The following FBXL17 variants were observed in gnomAD, a reference collection of about 807,000 sequenced individuals.
FBXL17 encodes the protein F-box and leucine rich repeat protein 17.
A neutral mutation model predicts 66.2 loss-of-function variants in FBXL17; 22 were observed. That is an observed-to-expected ratio of 0.33 (90% CI 0.24 to 0.47). The LOEUF is 0.47. Among genes scored for constraint, FBXL17 ranks in the 20% least tolerant of loss-of-function variants. The pLI is 1.00. For synonymous variants in FBXL17, 474 were observed against 400.5 expected (o/e 1.18, Z -2.19); for missense variants, 878 against 948.2 (o/e 0.93, Z 0.97).
At chr5:108,216,815 A>G (rs1369533074) in intron 5 of FBXL17, among the ~76,000 whole-genome samples, 2 of 152,164 alleles carry the variant, frequency 1.3e-5, no homozygotes, top group Non-Finnish European at 2.9e-5. Flanking sequence ...TGTTATACCT[A>G]GAGACATGCC....
chr5:108,260,228 G>A (rs940560388), intron 4 of FBXL17, among the ~76,000 whole-genome samples: 1 of 151,964 alleles, frequency 6.6e-6, no homozygotes, highest in African/African-American at 2.4e-5. Flanking sequence ...TAGTAATATG[G>A]GGCAGCTTAA....
chr5:107,893,715 G>T (rs1316173027), intron 7 of FBXL17, among the ~76,000 whole-genome samples: 6 of 152,272 alleles, frequency 3.9e-5, no homozygotes, highest in Non-Finnish European at 4.4e-5. Context: ...AATCACTGAT[G>T]AAGGACTACA....
At chr5:108,092,116 A>C (rs1309877948) in intron 6 of FBXL17, among the ~76,000 whole-genome samples, 1 of 152,198 alleles carries the variant, frequency 6.6e-6, no homozygotes, top group Non-Finnish European at 1.5e-5. Flanking sequence ...GCACCACCAA[A>C]AATTAACTAG....
intron 4 of FBXL17, among the ~76,000 whole-genome samples, chr5:108,339,646 C>T (rs1011155538): frequency 1.3e-5 from 2 of 149,480 alleles, no homozygotes; most frequent in African/African-American, 4.9e-5. Flanking sequence ...CAAGGAATTA[C>T]ACTAAAAATA....
At chr5:108,098,130 T>C (rs976937886) in intron 6 of FBXL17, among the ~76,000 whole-genome samples, 1 of 152,132 alleles carries the variant, frequency 6.6e-6, no homozygotes, top group Non-Finnish European at 1.5e-5. Context: ...CAGTAAAACT[T>C]CAATAAATAT....
intron 6 of FBXL17, among the ~76,000 whole-genome samples, chr5:108,117,925 A>G (rs994564254): frequency 6.6e-6 from 1 of 152,164 alleles, no homozygotes; most frequent in East Asian, 1.9e-4. Flanking sequence ...TAGCTGAGAA[A>G]AAACTCCTTC....
chr5:108,051,194 C>A (rs899060251), intron 6 of FBXL17, among the ~76,000 whole-genome samples: 5 of 152,180 alleles, frequency 3.3e-5, no homozygotes, highest in African/African-American at 1.2e-4. Flanking sequence ...TGAAACTATT[C>A]CAAACAATTG....
intron 4 of FBXL17, among the ~76,000 whole-genome samples, chr5:108,257,797 C>T (rs1014371619): frequency 6.6e-6 from 1 of 152,118 alleles, no homozygotes; most frequent in Non-Finnish European, 1.5e-5. Flanking sequence ...AAATTGTTCA[C>T]ATACATATTG....
chr5:108,188,454 G>A (rs184422213), intron 5 of FBXL17, among the ~76,000 whole-genome samples: 2 of 152,150 alleles, frequency 1.3e-5, no homozygotes, highest in African/African-American at 4.8e-5. Context: ...AGGAAGTCAC[G>A]TCCAGTCTAG....
intron 4 of FBXL17, among the ~76,000 whole-genome samples, chr5:108,255,731 T>C (rs1756548843): frequency 6.6e-6 from 1 of 152,120 alleles, no homozygotes; most frequent in South Asian, 2.1e-4. Flanking sequence ...ATATATAGCC[T>C]TTCAGTAGTT....
At chr5:107,965,138 C>T (rs1580258156) in intron 7 of FBXL17, among the ~76,000 whole-genome samples, 2 of 152,196 alleles carry the variant, frequency 1.3e-5, no homozygotes, top group African/African-American at 4.8e-5. Flanking sequence ...ATACTAAAGT[C>T]AGCTGAAACA....
At chr5:108,329,751 G>T (rs563752415) in intron 4 of FBXL17, among the ~76,000 whole-genome samples, 2 of 152,150 alleles carry the variant, frequency 1.3e-5, no homozygotes, top group Admixed American at 1.3e-4. Flanking sequence ...TAACTTAGAA[G>T]TTATCATTAG....
chr5:108,107,784 C>T (rs1479866604), intron 6 of FBXL17, among the ~76,000 whole-genome samples: 1 of 146,668 alleles, frequency 6.8e-6, no homozygotes, highest in African/African-American at 2.5e-5. Context: ...TGCACTCCGG[C>T]CTGGGCAACA....
At chr5:108,121,567 T>C (rs1465953357) in intron 6 of FBXL17, among the ~76,000 whole-genome samples, 1 of 152,132 alleles carries the variant, frequency 6.6e-6, no homozygotes, top group East Asian at 1.9e-4. Context: ...TTTACAATTT[T>C]TTTTTTTTTG....
At chr5:108,191,387 T>C (rs780738952) in intron 5 of FBXL17, among the ~76,000 whole-genome samples, 37 of 152,222 alleles carry the variant, frequency 2.4e-4, no homozygotes, top group Non-Finnish European at 2.1e-4. Context: ...CTGTACATTT[T>C]ACATGGTTAA....
At chr5:107,938,266 A>G (rs578187928) in intron 7 of FBXL17, among the ~76,000 whole-genome samples, 103 of 152,016 alleles carry the variant, frequency 6.8e-4, no homozygotes, top group Non-Finnish European at 1.2e-3. Flanking sequence ...TCAAAATGAT[A>G]CAGCCAAGCT....
At chr5:108,021,257 T>C (rs1007562936) in intron 6 of FBXL17, among the ~76,000 whole-genome samples, 2 of 150,788 alleles carry the variant, frequency 1.3e-5, no homozygotes, top group African/African-American at 2.4e-5. Context: ...TAATGTTACA[T>C]TTGGTAATAA....
At chr5:108,201,762 T>G (rs954491818) in intron 5 of FBXL17, among the ~76,000 whole-genome samples, 4 of 151,740 alleles carry the variant, frequency 2.6e-5, no homozygotes, top group African/African-American at 9.7e-5. Flanking sequence ...ATATCACTCT[T>G]TATGTATAAA....
chr5:107,948,855 C>T lies in FBXL17; in HGVS notation c.1823-67676G>A, dbSNP rs76088251. 2.8e-3 allele frequency among the ~76,000 whole-genome samples: 432 copies of T among 152,280 alleles called. 4 individuals carry two copies. The highest frequency in any genetic ancestry group is 9.9e-3 in the African/African-American group (412 of 41,546). The stretch of plus-strand genomic sequence containing the variant: ...AAGATAGCTCTTGGTACATAGCAAG[C>T]GCTCAATGAGTGTTAACTATTTGAA... On this transcript the variant is annotated intron_variant, in intron 7 of 8. Coordinates refer to ENST00000542267, the MANE Select transcript of FBXL17 (RefSeq NM_001163315.3).
Sources: allele counts gnomAD v4.1 joint callset (sites outside exome capture counted in the v4.1 genomes callset), GRCh38; gene constraint gnomAD v4.1.1; transcripts MANE v1.5; gene names NCBI Gene and HGNC (gene_info 2026-07-23, HGNC 2026-07-21).